Variants in CADM1 observed in about 807,000 individuals in gnomAD.
CADM1 encodes cell adhesion molecule 1, also known as TSLC-1.
Under a neutral mutation model 53.1 loss-of-function variants are expected in CADM1, and 15 were observed. That is an observed-to-expected ratio of 0.28 (90% confidence interval 0.19 to 0.44). The LOEUF is 0.44. Among genes scored for constraint, CADM1 ranks in the 20% least tolerant of loss-of-function variants. The pLI is 1.00. For synonymous variants in CADM1, 281 were observed against 243.0 expected, an observed-to-expected ratio of 1.16 and a Z score of -1.45; for missense variants, 434 against 611.3, an observed-to-expected ratio of 0.71 and a Z score of 3.06.
At chr11:115,213,198 T>C (rs1483427993) in intron 7 of CADM1, among the ~76,000 whole-genome samples, 1 of 152,082 alleles carries the variant, frequency 6.6e-6, no homozygotes, top group Non-Finnish European at 1.5e-5. Flanking sequence ...AGAGAGCACA[T>C]GCAGAAAAAG....
intron 1 of CADM1, among the ~76,000 whole-genome samples, chr11:115,368,300 T>C (rs35521965): frequency 1.3e-5 from 2 of 152,066 alleles, no homozygotes; most frequent in Non-Finnish European, 2.9e-5. Flanking sequence ...ATGACACTTG[T>C]GGTGTTGCTT....
At chr11:115,270,248 A>T (rs746785734) in intron 1 of CADM1, among the ~76,000 whole-genome samples, 1 of 152,228 alleles carries the variant, frequency 6.6e-6, no homozygotes, top group Non-Finnish European at 1.5e-5. Flanking sequence ...CAACATATTT[A>T]TAAGTTTTAA....
intron 1 of CADM1, among the ~76,000 whole-genome samples, chr11:115,295,533 T>TA: frequency 1.1e-5 from 1 of 89,714 alleles, no homozygotes; most frequent in Admixed American, 1.2e-4. Context: ...TATATATATA[T>TA]ATATATATAT....
Position 115,328,993 on chromosome 11 carries a change from A to G in CADM1, c.125-88573T>C, listed in dbSNP as rs888648300. 2.0e-5 allele frequency among the ~76,000 whole-genome samples: 3 copies of G among 151,472 alleles called. No homozygotes were observed. In the East Asian group the frequency reaches 5.9e-4, roughly 30 times the overall value. On this transcript the variant is annotated intron_variant, in intron 1 of 11. Coordinates refer to ENST00000331581, the MANE Select transcript of CADM1 (RefSeq NM_001301043.2). ...TCTATTAGTTATTTTTATAACTTTAATAAACCTTCAATAAATTTTAATGAA... is the reference window on the plus strand; with the variant it reads ...TCTATTAGTTATTTTTATAACTTTAGTAAACCTTCAATAAATTTTAATGAA...
chr11:115,265,867 T>A (rs1943118677), intron 1 of CADM1, among the ~76,000 whole-genome samples: 1 of 152,208 alleles, frequency 6.6e-6, no homozygotes. Context: ...ATCAATGAAA[T>A]GGATAATTGG....
At chr11:115,352,749 C>T (rs1023952399) in intron 1 of CADM1, among the ~76,000 whole-genome samples, 4 of 152,162 alleles carry the variant, frequency 2.6e-5, no homozygotes, top group Non-Finnish European at 5.9e-5. Flanking sequence ...GCTTAATCCT[C>T]ACCACTGCCA....
chr11:115,461,967 A>G (rs1948804981), intron 1 of CADM1, among the ~76,000 whole-genome samples: 1 of 152,138 alleles, frequency 6.6e-6, no homozygotes, highest in Non-Finnish European at 1.5e-5. Context: ...ACCAAAGAGA[A>G]CCCATGGAAA....
intron 8 of CADM1, among the ~76,000 whole-genome samples, chr11:115,201,718 A>C (rs1379734043): frequency 6.6e-6 from 1 of 152,192 alleles, no homozygotes; most frequent in Non-Finnish European, 1.5e-5. Flanking sequence ...CCTTAAAAAA[A>C]AAAAATCTTT....
intron 1 of CADM1, among the ~76,000 whole-genome samples, chr11:115,294,025 A>T (rs1188033733): frequency 3.9e-5 from 6 of 152,222 alleles, no homozygotes; most frequent in Non-Finnish European, 7.3e-5. Flanking sequence ...ATTGAGATTC[A>T]TGATGGCTTC....
chr11:115,415,413 TA>T (rs914904495), intron 1 of CADM1, among the ~76,000 whole-genome samples: 1 of 152,082 alleles, frequency 6.6e-6, no homozygotes, highest in African/African-American at 2.4e-5. Context: ...AGCTAAAACC[TA>T]AAAAAAGAGA....
chr11:115,183,353 T>C (rs1939400266), intron 10 of CADM1, among the ~76,000 whole-genome samples: 1 of 152,178 alleles, frequency 6.6e-6, no homozygotes, highest in African/African-American at 2.4e-5. Context: ...TGGCATGAGA[T>C]GTGTAGCATA....
In CADM1 at chr11:115,459,959, C is replaced by G. The variant is rs991940498; in HGVS notation, c.124+44312G>C. ...AATTTGTTTAAGCTTCTATTAAACC[C>G]TCTACTGATTTCCCACAAACAGGAT... On this transcript the variant is annotated intron_variant, in intron 1 of 11. Coordinates refer to ENST00000331581, the MANE Select transcript of CADM1 (RefSeq NM_001301043.2). Among the ~76,000 whole-genome samples, 6 of 152,106 alleles carry G rather than the reference C, an allele frequency of 3.9e-5. No homozygotes were observed. In the East Asian group the frequency reaches 1.2e-3, roughly 29 times the overall value.
intron 10 of CADM1, among the ~76,000 whole-genome samples, chr11:115,180,529 A>G (rs986300991): frequency 1.3e-5 from 2 of 152,160 alleles, no homozygotes; most frequent in Admixed American, 1.3e-4. Context: ...AGTGGTGGAG[A>G]GGAATCTCCC....
intron 7 of CADM1, among the ~76,000 whole-genome samples, chr11:115,213,367 T>A (rs767939389): frequency 6.6e-5 from 10 of 152,222 alleles, no homozygotes; most frequent in Admixed American, 1.3e-4. Flanking sequence ...ATTAATGTTA[T>A]TATGTGTGAA....
intron 4 of CADM1, among the ~76,000 whole-genome samples, chr11:115,230,737 G>C (rs1941784972): frequency 6.6e-6 from 1 of 152,170 alleles, no homozygotes; most frequent in South Asian, 2.1e-4. Flanking sequence ...GCCTGCATAA[G>C]AACAGACTGG....
At chr11:115,241,321 T>C (rs890248864) in intron 1 of CADM1, among the ~76,000 whole-genome samples, 2 of 152,360 alleles carry the variant, frequency 1.3e-5, no homozygotes, top group South Asian at 2.1e-4. Context: ...CAGTGTTCAA[T>C]GTCACACCTG....
At chr11:115,309,707 C>T (rs1028519662) in intron 1 of CADM1, among the ~76,000 whole-genome samples, 6 of 152,200 alleles carry the variant, frequency 3.9e-5, no homozygotes, top group East Asian at 1.9e-4. Flanking sequence ...ATGTTAGTTC[C>T]GGTTCTATCC....
At chr11:115,434,760 T>C (rs1479716057) in intron 1 of CADM1, among the ~76,000 whole-genome samples, 1 of 152,022 alleles carries the variant, frequency 6.6e-6, no homozygotes, top group Non-Finnish European at 1.5e-5. Context: ...CAGCCCCAAA[T>C]AAAATGGAAT....
intron 1 of CADM1, among the ~76,000 whole-genome samples, chr11:115,423,581 G>C (rs1947815144): frequency 6.6e-6 from 1 of 152,132 alleles, no homozygotes; most frequent in South Asian, 2.1e-4. Context: ...AAATTTGAAA[G>C]AGAATATGCT....
Sources: allele counts gnomAD v4.1 joint callset (sites outside exome capture counted in the v4.1 genomes callset), GRCh38; gene constraint gnomAD v4.1.1; transcripts MANE v1.5; gene names NCBI Gene and HGNC (gene_info 2026-07-23, HGNC 2026-07-21).